Variants in TRIM44 observed in about 807,000 individuals in gnomAD.
The protein encoded by TRIM44 is tripartite motif containing 44.
A neutral mutation model predicts 37.4 loss-of-function variants in TRIM44; 13 were observed. The observed-to-expected ratio is 0.35, with a 90% CI of 0.23 to 0.55. TRIM44 has a LOEUF of 0.55. Among genes scored for constraint, TRIM44 ranks in the 20% least tolerant of loss-of-function variants. The pLI is 0.89. For missense variants in TRIM44, 426 were observed against 437.2 expected (o/e 0.97, Z 0.23); for synonymous variants, 175 against 157.2 (o/e 1.11, Z -0.85).
intron 4 of TRIM44, among the ~76,000 whole-genome samples, chr11:35,741,592 G>C (rs1295122405): frequency 2.0e-5 from 3 of 151,992 alleles, no homozygotes; most frequent in Admixed American, 1.3e-4. Flanking sequence ...AGAGGAAGGG[G>C]CATGGATGCC....
At chr11:35,781,826 C>T (rs184321525) in intron 4 of TRIM44, among the ~76,000 whole-genome samples, 235 of 152,340 alleles carry the variant, frequency 1.5e-3, no homozygotes, top group Non-Finnish European at 2.5e-3. Context: ...ATAAAAGTCA[C>T]TGCCTAGACC....
chr11:35,793,964 C>G (rs544394088), intron 4 of TRIM44, among the ~76,000 whole-genome samples: 3 of 152,342 alleles, frequency 2.0e-5, no homozygotes, highest in Non-Finnish European at 2.9e-5. Context: ...CAAGTAATAA[C>G]TTCCATTTAT....
At chr11:35,775,383 A>G (rs1330770150) in intron 4 of TRIM44, among the ~76,000 whole-genome samples, 1 of 152,032 alleles carries the variant, frequency 6.6e-6, no homozygotes, top group Non-Finnish European at 1.5e-5. Flanking sequence ...AAACAATGGG[A>G]TTTTCTAAAT....
intron 4 of TRIM44, among the ~76,000 whole-genome samples, chr11:35,747,376 A>C (rs1287048005): frequency 6.6e-6 from 1 of 152,218 alleles, no homozygotes; most frequent in African/African-American, 2.4e-5. Flanking sequence ...TGATGTTATA[A>C]GAAATTAAGT....
chr11:35,702,651 A>G (rs1851806789), intron 2 of TRIM44, among the ~76,000 whole-genome samples: 1 of 152,154 alleles, frequency 6.6e-6, no homozygotes, highest in Admixed American at 6.5e-5. Context: ...TGTGTGTGAA[A>G]TTTTGCACAT....
At chr11:35,789,741 TC>T (rs1853179194) in intron 4 of TRIM44, among the ~76,000 whole-genome samples, 1 of 152,186 alleles carries the variant, frequency 6.6e-6, no homozygotes, top group African/African-American at 2.4e-5. Flanking sequence ...AGAGGCATAT[TC>T]CCCTGGTGCT....
At chr11:35,741,512 G>A (rs911280407) in intron 4 of TRIM44, among the ~76,000 whole-genome samples, 5 of 152,150 alleles carry the variant, frequency 3.3e-5, no homozygotes, top group African/African-American at 1.2e-4. Context: ...ACCTGGAAAT[G>A]TTGACTAGAA....
chr11:35,673,075 A>G lies in TRIM44; in HGVS notation c.669+9295A>G, dbSNP rs145133205. On this transcript the variant is annotated intron_variant, in intron 1 of 4. Coordinates refer to ENST00000299413, the MANE Select transcript of TRIM44 (RefSeq NM_017583.6). Reference sequence around the variant, plus strand: ...AAGTCTTGGAAGTATGCAGTGAACTAGACAGATAGGGCTCTAGCTTTTTGG... The same window carrying G: ...AAGTCTTGGAAGTATGCAGTGAACTGGACAGATAGGGCTCTAGCTTTTTGG... Among the ~76,000 whole-genome samples the G allele has an allele frequency of 2.9e-3, 444 of 152,366 alleles. 4 individuals are homozygous for G. Among genetic ancestry groups the G allele is most frequent in the African/African-American group, 0.01 (421 of 41,598 alleles).
chr11:35,679,133 C>T (rs1332404732), intron 1 of TRIM44, among the ~76,000 whole-genome samples: 4 of 151,964 alleles, frequency 2.6e-5, no homozygotes, highest in African/African-American at 9.7e-5. Context: ...TATTCAGGAG[C>T]CAGTTTAGGA....
At chr11:35,690,953 A>G (rs1851630563) in intron 2 of TRIM44, among the ~76,000 whole-genome samples, 1 of 152,168 alleles carries the variant, frequency 6.6e-6, no homozygotes, top group South Asian at 2.1e-4. Context: ...AAATAGATGT[A>G]TATATAGCCT....
chr11:35,787,619 G>T (rs758012208), intron 4 of TRIM44, among the ~76,000 whole-genome samples: 1 of 152,102 alleles, frequency 6.6e-6, no homozygotes, highest in Non-Finnish European at 1.5e-5. Flanking sequence ...TAGACACATG[G>T]CTGCTAATCA....
At chr11:35,735,375 G>C in intron 3 of TRIM44, 51 bp from the exon 4 acceptor site, 2 of 1,603,538 alleles carry the variant, frequency 1.2e-6, no homozygotes, top group South Asian at 1.1e-5. Flanking sequence ...ATCTGACTCT[G>C]TCTGTACCAA....
At position 35,752,103 on chromosome 11, in the gene TRIM44, C is replaced by T. The variant is rs372706903; in HGVS notation, c.1007+16658C>T. On this transcript the variant is annotated intron_variant, in intron 4 of 4. Coordinates refer to ENST00000299413, the MANE Select transcript of TRIM44 (RefSeq NM_017583.6). ...TACCCTTTGCCTTCTTAGTAAGTGG[C>T]ATTATTCTGTCTCAGGCCAGTAGCC... Among the ~76,000 whole-genome samples the T allele has an allele frequency of 5.3e-5, 8 of 152,094 alleles. No homozygotes were observed. The East Asian group carries it at 9.7e-4, about 18-fold the overall frequency.
rs189753034 is a variant in TRIM44 at position 35,776,573 on chromosome 11, C to T, written c.1008-29785C>T. On this transcript the variant is annotated intron_variant, in intron 4 of 4. Coordinates refer to ENST00000299413, the MANE Select transcript of TRIM44 (RefSeq NM_017583.6). ...GTTAGGGTGTCAATTTTAGATCTTT[C>T]CTGCTTTCTCTTGTGGGCATTTAGT... Among the ~76,000 whole-genome samples, 7 of 152,276 alleles carry T rather than the reference C, an allele frequency of 4.6e-5. No homozygotes were observed. The East Asian group carries it at 1.4e-3, about 29-fold the overall frequency.
intron 4 of TRIM44, among the ~76,000 whole-genome samples, chr11:35,737,053 T>G (rs1484150550): frequency 6.6e-6 from 1 of 152,154 alleles, no homozygotes; most frequent in African/African-American, 2.4e-5. Context: ...TTAGGCTACT[T>G]TAGGAAGGGC....
intron 4 of TRIM44, among the ~76,000 whole-genome samples, chr11:35,784,468 T>G (rs180893764): frequency 3.9e-5 from 6 of 152,332 alleles, no homozygotes; most frequent in Admixed American, 3.3e-4. Context: ...CATACCTATT[T>G]AAATCTTTTA....
chr11:35,693,985 A>T lies in TRIM44; in HGVS notation c.747+8649A>T, dbSNP rs1224778122. Among the ~76,000 whole-genome samples the T allele has an allele frequency of 6.6e-5, 10 of 152,240 alleles. No individual in the cohort carries two copies. In the East Asian group the frequency reaches 1.9e-3, roughly 29 times the overall value. ...GGTCCCCATAAACCAAACCACCTAAAATCAAATAGATCAAAGAATGAGCTA... is the reference window on the plus strand; with the variant it reads ...GGTCCCCATAAACCAAACCACCTAATATCAAATAGATCAAAGAATGAGCTA... On this transcript the variant is annotated intron_variant, in intron 2 of 4. Coordinates refer to ENST00000299413, the MANE Select transcript of TRIM44 (RefSeq NM_017583.6).
At chr11:35,805,288 A>T (rs1330017323) in intron 4 of TRIM44, among the ~76,000 whole-genome samples, 3 of 152,196 alleles carry the variant, frequency 2.0e-5, no homozygotes, top group Non-Finnish European at 4.4e-5. Flanking sequence ...TCTTGTTACT[A>T]TTTTAAGGGC....
chr11:35,699,914 G>T (rs991895216), intron 2 of TRIM44, among the ~76,000 whole-genome samples: 1 of 152,018 alleles, frequency 6.6e-6, no homozygotes, highest in African/African-American at 2.4e-5. Flanking sequence ...AGCTCTTCAA[G>T]GAGAACTACA....
Sources: allele counts gnomAD v4.1 joint callset (sites outside exome capture counted in the v4.1 genomes callset), GRCh38; gene constraint gnomAD v4.1.1; transcripts MANE v1.5; gene names NCBI Gene and HGNC (gene_info 2026-07-23, HGNC 2026-07-21).